Variants in COL24A1 observed in about 807,000 individuals in gnomAD.
COL24A1 encodes the protein collagen type XXIV alpha 1 chain, also known as collagen alpha-1(XXIV) chain.
COL24A1 carries 224 observed loss-of-function variants against 253.9 expected under a neutral mutation model. The observed-to-expected ratio is 0.88, with a 90% CI of 0.79 to 0.99. The LOEUF is 0.99. Ranked by LOEUF, COL24A1 falls within the 50% of genes least tolerant of loss-of-function variation. COL24A1 has a pLI of 0.00. For missense variants in COL24A1, 2,131 were observed against 2,068.5 expected (o/e 1.03, Z -0.59); for synonymous variants, 685 against 673.7 (o/e 1.02, Z -0.26).
chr1:86,082,593 TTTAC>T (rs941227017), intron 7 of COL24A1, among the ~76,000 whole-genome samples: 27 of 105,680 alleles, frequency 2.6e-4, no homozygotes, highest in Admixed American at 6.4e-4. Context: ...GCATAATTTA[TTTAC>T]GTAATATATA....
At chr1:86,100,121 C>G (rs1361602427) in intron 5 of COL24A1, among the ~76,000 whole-genome samples, 12 of 152,096 alleles carry the variant, frequency 7.9e-5, no homozygotes, top group Non-Finnish European at 7.4e-5. Flanking sequence ...GAAAACGTGG[C>G]ACAAATACAA....
chr1:85,920,799 T>C (rs1476724211), intron 24 of COL24A1, among the ~76,000 whole-genome samples: 2 of 152,004 alleles, frequency 1.3e-5, no homozygotes, highest in African/African-American at 2.4e-5. Context: ...AGAATCTATC[T>C]TGAAATACTG....
At chr1:85,957,654 C>G (rs1194194976) in intron 24 of COL24A1, among the ~76,000 whole-genome samples, 1 of 152,190 alleles carries the variant, frequency 6.6e-6, no homozygotes, top group Non-Finnish European at 1.5e-5. Flanking sequence ...ATCCACTTCT[C>G]TTTATCTCCA....
At chr1:85,755,791 A>T (rs907014564) in intron 55 of COL24A1, among the ~76,000 whole-genome samples, 3 of 152,092 alleles carry the variant, frequency 2.0e-5, no homozygotes, top group Non-Finnish European at 4.4e-5. Flanking sequence ...AAAACTATAA[A>T]ATTATTAGAA....
chr1:85,842,163 A>G, intron 40 of COL24A1, 42 bp from the exon 41 acceptor site: 1 of 1,562,286 alleles, frequency 6.4e-7, no homozygotes. Flanking sequence ...CTCTACCTAG[A>G]TATTAGATAT....
intron 8 of COL24A1, among the ~76,000 whole-genome samples, chr1:86,063,089 AT>A (rs1306576098): frequency 6.6e-6 from 1 of 151,960 alleles, no homozygotes; most frequent in East Asian, 1.9e-4. Context: ...ATATGACTTT[AT>A]TTTTTTCTGT....
rs72954558 is a variant in COL24A1, at chr1:85,960,603, C to T, written c.2562+646G>A. ...TAAGCTTTTTAATAATGAAAAATGG[C>T]TGAGTGCAGTGGCTCACACCTGTAA... On this transcript the variant is annotated intron_variant, in intron 24 of 59. Coordinates refer to ENST00000370571, the MANE Select transcript of COL24A1 (RefSeq NM_152890.7). Among the ~76,000 whole-genome samples, 969 of 152,022 alleles carry T rather than the reference C, an allele frequency of 6.4e-3. 10 individuals are homozygous for T. The highest frequency in any genetic ancestry group is 0.022 in the African/African-American group (910 of 41,448).
At chr1:86,144,242 T>C (rs1426080228) in intron 2 of COL24A1, among the ~76,000 whole-genome samples, 2 of 152,128 alleles carry the variant, frequency 1.3e-5, no homozygotes, top group Non-Finnish European at 2.9e-5. Flanking sequence ...ATCTTAAGGG[T>C]GAGAGAAATA....
At chr1:86,138,848 C>CTTT (rs140109854) in intron 2 of COL24A1, among the ~76,000 whole-genome samples, 47 of 148,754 alleles carry the variant, frequency 3.2e-4, no homozygotes, top group East Asian at 1.2e-3. Flanking sequence ...AGCTTATCTG[C>CTTT]TTTTTTTTTT....
chr1:85,950,940 T>C (rs1571342409), intron 24 of COL24A1, among the ~76,000 whole-genome samples: 2 of 152,332 alleles, frequency 1.3e-5, no homozygotes, highest in East Asian at 3.9e-4. Context: ...CCAGCTATCA[T>C]GAACTGCTTA....
In COL24A1 at chr1:85,870,033, G is replaced by T. The variant is rs1220826936; in HGVS notation, c.3139-1198C>A. Among the ~76,000 whole-genome samples the T allele has an allele frequency of 2.6e-5, 4 of 152,110 alleles. No individual in the cohort carries two copies. The South Asian group carries it at 8.3e-4, about 32-fold the overall frequency. ...CCAAGCAAATGGAAAACAAAAAAAG[G>T]CAGGGGTTGCAATCCTAGTCACTGA... On this transcript the variant is annotated intron_variant, in intron 35 of 59. Coordinates refer to ENST00000370571, the MANE Select transcript of COL24A1 (RefSeq NM_152890.7).
intron 23 of COL24A1, among the ~76,000 whole-genome samples, chr1:85,961,506 C>A (rs531603548): frequency 3.7e-4 from 57 of 152,224 alleles, no homozygotes; most frequent in African/African-American, 1.3e-3. Context: ...TGCACATGTA[C>A]CCCAGAACTT....
chr1:85,894,153 G>GATGTCAATCCAATCCCATC (rs1553217635), intron 31 of COL24A1, among the ~76,000 whole-genome samples: 2 of 152,300 alleles, frequency 1.3e-5, no homozygotes, highest in East Asian at 3.9e-4. Flanking sequence ...GCTTCTCCAA[G>GATGTCAATCCAATCCCATC]ATGTCAATCC....
chr1:86,058,623 G>A (rs1261981225), intron 9 of COL24A1, among the ~76,000 whole-genome samples: 1 of 151,556 alleles, frequency 6.6e-6, no homozygotes, highest in Non-Finnish European at 1.5e-5. Flanking sequence ...AGTACAGAAA[G>A]TTAGAAATTA....
chr1:86,066,776 A>C (rs934748233), intron 7 of COL24A1, among the ~76,000 whole-genome samples: 1 of 152,154 alleles, frequency 6.6e-6, no homozygotes, highest in Non-Finnish European at 1.5e-5. Flanking sequence ...TGAATACTGG[A>C]ATCTATCAGA....
At chr1:86,051,510 G>A (rs1700300073) in intron 10 of COL24A1, among the ~76,000 whole-genome samples, 1 of 152,068 alleles carries the variant, frequency 6.6e-6, no homozygotes, top group Admixed American at 6.6e-5. Flanking sequence ...CAATCAGAAT[G>A]AAATGACACA....
At chr1:86,083,745 C>G (rs1276502946) in intron 7 of COL24A1, among the ~76,000 whole-genome samples, 2 of 152,112 alleles carry the variant, frequency 1.3e-5, no homozygotes, top group Non-Finnish European at 1.5e-5. Context: ...CTTTGAGAAG[C>G]AAGCCAAGGT....
chr1:85,741,401 T>C (rs944022076), intron 57 of COL24A1, among the ~76,000 whole-genome samples: 5 of 152,190 alleles, frequency 3.3e-5, no homozygotes, highest in African/African-American at 1.2e-4. Context: ...TGACAGTATG[T>C]GGGAGTTCCA....
At chr1:85,883,208 T>C (rs143726428) in intron 32 of COL24A1, among the ~76,000 whole-genome samples, 2 of 152,220 alleles carry the variant, frequency 1.3e-5, no homozygotes, top group South Asian at 2.1e-4. Flanking sequence ...CATTTTATTT[T>C]ATTTTAATTT....
Sources: allele counts gnomAD v4.1 joint callset (sites outside exome capture counted in the v4.1 genomes callset), GRCh38; gene constraint gnomAD v4.1.1; transcripts MANE v1.5; gene names NCBI Gene and HGNC (gene_info 2026-07-23, HGNC 2026-07-21).